The following ABI3BP variants were observed in gnomAD, a reference collection of about 807,000 sequenced individuals.
ABI3BP encodes the protein ABI family member 3 binding protein, also known as target of Nesh-SH3.
Under a neutral mutation model 268.6 loss-of-function variants are expected in ABI3BP, and 216 were observed. That is an observed-to-expected ratio of 0.80 (90% CI 0.72 to 0.90). ABI3BP has a LOEUF of 0.90. Ranked by LOEUF, ABI3BP falls within the 40% of genes least tolerant of loss-of-function variation. The pLI is 0.00. For synonymous variants in ABI3BP, 730 were observed against 730.0 expected (o/e 1.00, Z 0.00); for missense variants, 2,090 against 2,182.4 (o/e 0.96, Z 0.84).
intron 63 of ABI3BP, among the ~76,000 whole-genome samples, chr3:100,758,808 A>T (rs1357147776): frequency 6.6e-6 from 1 of 152,198 alleles, no homozygotes; most frequent in Non-Finnish European, 1.5e-5. Flanking sequence ...AAAAACTAGG[A>T]TTTCAAAAAG....
chr3:100,974,332 A>T (rs1240170584), intron 1 of ABI3BP, among the ~76,000 whole-genome samples: 1 of 152,236 alleles, frequency 6.6e-6, no homozygotes, highest in African/African-American at 2.4e-5. Context: ...TTTTATTCAT[A>T]TTGGCCCCAA....
intron 43 of ABI3BP, 41 bp from the exon 44 acceptor site, chr3:100,816,012 AC>A: frequency 7.2e-7 from 1 of 1,385,170 alleles, no homozygotes; most frequent in East Asian, 2.5e-5. Flanking sequence ...AAGCTTAAAG[AC>A]TTTTTAAAAA....
In ABI3BP at chr3:100,753,041, CT is replaced by C. The variant is rs151209127; in HGVS notation, c.4961-94del. ...ACAAAATTTGTCAACTTGCTGATAC[CT>C]TTTTTTCCCCCCATGCTAAATACTG... On this transcript the variant is annotated intron_variant, in intron 65 of 67. Coordinates refer to ENST00000471714, the MANE Select transcript of ABI3BP (RefSeq NM_001375547.2). 6.2e-3 allele frequency: 7,451 copies of C among 1,204,472 alleles called. 308 individuals carry two copies. In the African/African-American group the frequency reaches 0.097, roughly 16 times the overall value. 74.6% of individuals were successfully genotyped at this position (1,204,472 alleles called of 1,614,324 possible).
chr3:100,966,030 T>C (rs1396215692), intron 1 of ABI3BP, among the ~76,000 whole-genome samples: 3 of 152,168 alleles, frequency 2.0e-5, no homozygotes, highest in Admixed American at 1.3e-4. Flanking sequence ...GTTCTGTGAC[T>C]AGCTTAGGTT....
chr3:100,875,161 C>G (rs960108086), intron 8 of ABI3BP, among the ~76,000 whole-genome samples: 1 of 152,128 alleles, frequency 6.6e-6, no homozygotes, highest in Non-Finnish European at 1.5e-5. Flanking sequence ...AATCCACAGA[C>G]TCAAAAATTG....
intron 59 of ABI3BP, among the ~76,000 whole-genome samples, chr3:100,777,573 T>G (rs2096741581): frequency 6.6e-6 from 1 of 152,150 alleles, no homozygotes; most frequent in Non-Finnish European, 1.5e-5. Flanking sequence ...AATTTTCTCT[T>G]TGCTCTAACA....
chr3:100,924,275 A>G (rs1221882143), intron 2 of ABI3BP, among the ~76,000 whole-genome samples: 2 of 152,178 alleles, frequency 1.3e-5, no homozygotes, highest in Non-Finnish European at 2.9e-5. Context: ...TATCATATAG[A>G]CCTGTTTGGA....
rs990959800 is a variant in ABI3BP, at chr3:100,834,719, G to A, written c.2246C>T (p.Thr749Ile). Residue 749 changes from threonine to isoleucine, a missense_variant, in exon 29 of 68, where the codon ACC becomes ATC. Coordinates refer to ENST00000471714, the MANE Select transcript of ABI3BP (RefSeq NM_001375547.2). ...CTGCAGTGTCTCTGGGCGTGGCGTG[G>A]TTTTATGTTTGGGACGTGGACGACG... ...RTRRPRPKHK[T>I]TPRPETLQTK... 2.6e-5 allele frequency: 40 copies of A among 1,535,646 alleles called. No individual in the cohort carries two copies. Among genetic ancestry groups the A allele is most frequent in the Non-Finnish European group, 3.3e-5 (38 of 1,146,582 alleles).
intron 49 of ABI3BP, among the ~76,000 whole-genome samples, chr3:100,808,443 G>A (rs1214789802): frequency 6.6e-6 from 1 of 151,992 alleles, no homozygotes; most frequent in Non-Finnish European, 1.5e-5. Flanking sequence ...TATCTAAGAT[G>A]TTCAGCTGGC....
At chr3:100,989,374 G>T (rs183282522) in intron 1 of ABI3BP, among the ~76,000 whole-genome samples, 4 of 152,316 alleles carry the variant, frequency 2.6e-5, no homozygotes, top group Admixed American at 6.5e-5. Context: ...ATTACCACAT[G>T]CAGGATATAC....
chr3:100,910,244 C>T (rs936518118), intron 2 of ABI3BP, among the ~76,000 whole-genome samples: 7 of 152,066 alleles, frequency 4.6e-5, no homozygotes, highest in Non-Finnish European at 2.9e-5. Context: ...GAACATCACA[C>T]ACTGAGGCCT....
At chr3:100,795,063 G>A in intron 53 of ABI3BP, 60 bp from the exon 54 acceptor site, 2 of 1,051,718 alleles carry the variant, frequency 1.9e-6, no homozygotes, top group Non-Finnish European at 2.6e-6. Context: ...CACCAGACCA[G>A]ATTGGTATTA....
In ABI3BP at chr3:100,851,934, T is replaced by C; in HGVS notation, c.1292A>G (p.Tyr431Cys). ...SKVLQPQTAT[Y>C]DVFSSPTTSD... is the part of the protein sequence containing the mutation. ...TGTTGTAGGGCTTGAGAAAACATCA[T>C]AAGTTGCTTAAAAAAAAAAAAAAGG... Residue 431 changes from tyrosine (Y) to cysteine (C), a missense_variant, in exon 15 of 68, where the codon TAT becomes TGT. Coordinates refer to ENST00000471714, the MANE Select transcript of ABI3BP (RefSeq NM_001375547.2). The C allele has an allele frequency of 6.5e-7, 1 of 1,531,828 alleles. No homozygotes were observed. The highest frequency in any genetic ancestry group is 8.7e-7 in the Non-Finnish European group (1 of 1,144,358). 94.9% of individuals were successfully genotyped at this position (1,531,828 alleles called of 1,614,324 possible).
Position 100,753,860 on chromosome 3 carries a change from T to TTTTC in ABI3BP, c.4931-13_4931-12insGAAA, listed in dbSNP as rs1324083972. 3 of 1,606,494 alleles carry TTTTC rather than the reference T, an allele frequency of 1.9e-6. No homozygotes were observed. Among genetic ancestry groups the TTTTC allele is most frequent in the Non-Finnish European group, 2.5e-6 (3 of 1,176,630 alleles). On this transcript the variant is annotated splice_polypyrimidine_tract_variant and intron_variant, in intron 64 of 67. Transcript: ENST00000471714. The stretch of plus-strand genomic sequence containing the variant: ...CACTCTTGGGTCCGCTGAGGAGAAA[T>TTTTC]AAATAGAAAAGTCAGACCTTACTAG...
chr3:100,792,138 C>G (rs2097212767), intron 55 of ABI3BP, among the ~76,000 whole-genome samples: 1 of 151,816 alleles, frequency 6.6e-6, no homozygotes, highest in African/African-American at 2.4e-5. Flanking sequence ...TAGGCGAGTT[C>G]ACTTCCCCAA....
At chr3:100,978,018 T>A (rs2087158233) in intron 1 of ABI3BP, among the ~76,000 whole-genome samples, 1 of 152,178 alleles carries the variant, frequency 6.6e-6, no homozygotes, top group South Asian at 2.1e-4. Context: ...TTAAGTTTTA[T>A]CAGCTCTTAG....
intron 1 of ABI3BP, among the ~76,000 whole-genome samples, chr3:100,981,116 G>A (rs2089182390): frequency 6.6e-6 from 1 of 152,104 alleles, no homozygotes; most frequent in Non-Finnish European, 1.5e-5. Flanking sequence ...TATACACAGA[G>A]CTGATCAAAT....
At chr3:100,873,569 C>A (rs1032499355) in intron 9 of ABI3BP, among the ~76,000 whole-genome samples, 3 of 152,184 alleles carry the variant, frequency 2.0e-5, no homozygotes, top group Admixed American at 6.5e-5. Context: ...CAAGCCCTGA[C>A]CTGACCAGAG....
intron 44 of ABI3BP, among the ~76,000 whole-genome samples, chr3:100,814,899 C>T (rs2097977657): frequency 6.6e-6 from 1 of 152,128 alleles, no homozygotes; most frequent in Non-Finnish European, 1.5e-5. Flanking sequence ...AGCTATGAAT[C>T]TAATAATGAG....
Sources: gnomAD v4.1 joint callset for allele counts (sites outside exome capture counted in the v4.1 genomes callset) on GRCh38, gnomAD v4.1.1 for gene constraint, MANE v1.5 for transcripts, NCBI Gene and HGNC (gene_info 2026-07-23, HGNC 2026-07-21) for gene names.